The following PPP1R12A variants were observed in gnomAD, a reference collection of about 807,000 sequenced individuals.
The protein encoded by PPP1R12A is myosin binding subunit.
Under a neutral mutation model 139.6 loss-of-function variants are expected in PPP1R12A, and 19 were observed. That is an observed-to-expected ratio of 0.14 (90% CI 0.09 to 0.20). The LOEUF (loss-of-function observed/expected upper bound fraction) is 0.20. Among genes scored for constraint, PPP1R12A ranks in the 10% least tolerant of loss-of-function variants. PPP1R12A has a pLI of 1.00. For missense variants in PPP1R12A, 925 were observed against 1,211.5 expected (o/e 0.76, Z 3.51); for synonymous variants, 427 against 420.6 (o/e 1.02, Z -0.19).
intron 4 of PPP1R12A, among the ~76,000 whole-genome samples, chr12:79,829,548 T>G (rs1877174022): frequency 6.6e-6 from 1 of 152,182 alleles, no homozygotes; most frequent in South Asian, 2.1e-4. Flanking sequence ...GCCCTGCTGA[T>G]CTATATTCTT....
chr12:79,823,054 G>C (rs1278445442), intron 5 of PPP1R12A, among the ~76,000 whole-genome samples: 1 of 151,944 alleles, frequency 6.6e-6, no homozygotes, highest in East Asian at 1.9e-4. Context: ...CCAGCCACAG[G>C]TATGGCTTAA....
intron 2 of PPP1R12A, among the ~76,000 whole-genome samples, chr12:79,864,047 C>A (rs892883532): frequency 6.6e-6 from 1 of 152,200 alleles, no homozygotes; most frequent in Non-Finnish European, 1.5e-5. Context: ...TTCTTCTCAG[C>A]ACCACATGGC....
intron 1 of PPP1R12A, among the ~76,000 whole-genome samples, chr12:79,888,573 T>G (rs1200433551): frequency 2.1e-5 from 3 of 140,980 alleles, no homozygotes; most frequent in Admixed American, 1.4e-4. Context: ...AAATGGAAAA[T>G]AGAATTATAA....
At chr12:79,928,871 T>C (rs1215285116) in intron 1 of PPP1R12A, among the ~76,000 whole-genome samples, 4 of 152,238 alleles carry the variant, frequency 2.6e-5, no homozygotes, top group Non-Finnish European at 5.9e-5. Flanking sequence ...AGATCAAATT[T>C]GTATTTTAAA....
intron 12 of PPP1R12A, 106 bp from the exon 13 acceptor site, chr12:79,806,439 T>C: frequency 1.9e-6 from 2 of 1,063,056 alleles, no homozygotes; most frequent in Non-Finnish European, 2.7e-6. Context: ...ATTTAAAAAC[T>C]GTGTTCCTAA....
intron 4 of PPP1R12A, among the ~76,000 whole-genome samples, 184 bp downstream of exon 4, chr12:79,832,148 T>C (rs1194828079): frequency 2.0e-5 from 3 of 152,066 alleles, no homozygotes; most frequent in Non-Finnish European, 4.4e-5. Flanking sequence ...AATTAGAGAG[T>C]TGAAAGAATT....
chr12:79,800,827 G>A (rs1873035759), intron 14 of PPP1R12A, among the ~76,000 whole-genome samples: 1 of 150,480 alleles, frequency 6.6e-6, no homozygotes, highest in Non-Finnish European at 1.5e-5. Context: ...TTTGCCTCCT[G>A]GGTTCACACC....
intron 5 of PPP1R12A, among the ~76,000 whole-genome samples, chr12:79,826,748 T>C (rs1219707989): frequency 2.0e-5 from 3 of 152,238 alleles, no homozygotes; most frequent in Non-Finnish European, 4.4e-5. Flanking sequence ...ATACAATATA[T>C]TGTGTATGTT....
At chr12:79,823,285 GA>G (rs1009593981) in intron 5 of PPP1R12A, among the ~76,000 whole-genome samples, 21 of 146,508 alleles carry the variant, frequency 1.4e-4, no homozygotes, top group East Asian at 7.9e-4. Context: ...TCCTTTCACA[GA>G]AAAAAAAAAG....
At chr12:79,886,891 A>T (rs1288443357) in intron 1 of PPP1R12A, among the ~76,000 whole-genome samples, 3 of 152,172 alleles carry the variant, frequency 2.0e-5, no homozygotes, top group Admixed American at 2.0e-4. Context: ...ACTGATAAAA[A>T]TCTATAAAGT....
At chr12:79,870,688 A>T (rs1018503553) in intron 2 of PPP1R12A, among the ~76,000 whole-genome samples, 3 of 152,212 alleles carry the variant, frequency 2.0e-5, no homozygotes, top group Non-Finnish European at 4.4e-5. Flanking sequence ...TTTTGTTTGC[A>T]CAAGTCCTGT....
chr12:79,859,975 G>T (rs547177193), intron 2 of PPP1R12A, among the ~76,000 whole-genome samples: 1 of 152,130 alleles, frequency 6.6e-6, no homozygotes, highest in Non-Finnish European at 1.5e-5. Context: ...CAACAGCAAT[G>T]TCTATAAAAT....
At chr12:79,783,598 AAAAT>A (rs1368121684) in intron 22 of PPP1R12A, among the ~76,000 whole-genome samples, 4 of 152,356 alleles carry the variant, frequency 2.6e-5, no homozygotes, top group Admixed American at 1.3e-4. Context: ...TGAGGATTTA[AAAAT>A]AAATCATAGA....
chr12:79,868,805 C>G (rs751460212), intron 2 of PPP1R12A, among the ~76,000 whole-genome samples: 4 of 150,842 alleles, frequency 2.7e-5, no homozygotes, highest in Admixed American at 6.6e-5. Flanking sequence ...TTGGGTGACA[C>G]TATTCTGCCC....
Position 79,934,914 on chromosome 12 carries a change from C to G in PPP1R12A, c.18G>C (p.Ala6=). MKMAD[A]KQKRNEQLKR... is the part of the protein sequence containing the mutation. ...TCAGCTGCTCGTTCCGCTTCTGCTT[C>G]GCGTCCGCCATCTTCATCCCCTCTC... Residue 6 remains alanine, a synonymous_variant, in exon 1 of 25, where the codon GCG becomes GCC. Transcript: ENST00000450142. The G allele has an allele frequency of 5.0e-6, 8 of 1,600,448 alleles. No homozygotes were observed. The highest frequency in any genetic ancestry group is 6.8e-6 in the Non-Finnish European group (8 of 1,173,540).
chr12:79,844,392 C>A (rs536786961), intron 3 of PPP1R12A, among the ~76,000 whole-genome samples: 1 of 152,274 alleles, frequency 6.6e-6, no homozygotes, highest in South Asian at 2.1e-4. Flanking sequence ...GGAACTTCAT[C>A]CATCCATTTG....
intron 14 of PPP1R12A, among the ~76,000 whole-genome samples, chr12:79,801,282 T>C (rs866677913): frequency 4.5e-5 from 6 of 133,002 alleles, no homozygotes; most frequent in African/African-American, 1.5e-4. Context: ...GAGGTGGAGA[T>C]TGCAGTGAGC....
At position 79,790,452 on chromosome 12, in the gene PPP1R12A, A is replaced by T; in HGVS notation, c.2666+15T>A. ...ATAAGAAAAAAATGTCAGTTAAAAA[A>T]TAAATAAAACATACCTAGAAATGGA... On this transcript the variant is annotated intron_variant, in intron 20 of 24. Transcript: ENST00000450142. The T allele has an allele frequency of 1.5e-6, 2 of 1,328,940 alleles. No individual in the cohort carries two copies. Among genetic ancestry groups the T allele is most frequent in the Non-Finnish European group, 2.0e-6 (2 of 987,804 alleles). The allele number at this position is 1,328,940 out of a possible 1,614,324, so 82.3% of individuals were successfully genotyped here.
At chr12:79,836,793 A>G (rs1331634259) in intron 3 of PPP1R12A, among the ~76,000 whole-genome samples, 1 of 152,200 alleles carries the variant, frequency 6.6e-6, no homozygotes, top group Non-Finnish European at 1.5e-5. Flanking sequence ...GATCCTGAGA[A>G]AGCCATAGCT....
Sources: gnomAD v4.1 joint callset for allele counts (sites outside exome capture counted in the v4.1 genomes callset) on GRCh38, gnomAD v4.1.1 for gene constraint, MANE v1.5 for transcripts, NCBI Gene and HGNC (gene_info 2026-07-23, HGNC 2026-07-21) for gene names.